Variants in AGBL2 observed in about 807,000 individuals in gnomAD.
AGBL2 encodes AGBL carboxypeptidase 2.
In AGBL2, 87 loss-of-function variants were observed where a neutral mutation model predicts 103.0. That is an observed-to-expected ratio of 0.84 (90% confidence interval 0.71 to 1.01). AGBL2 has a LOEUF of 1.01. Among genes scored for constraint, AGBL2 ranks in the 50% least tolerant of loss-of-function variants. The pLI is 0.00. For missense variants in AGBL2, 904 were observed against 1,023.5 expected (o/e 0.88, Z 1.59); for synonymous variants, 335 against 356.7 (o/e 0.94, Z 0.69).
intron 7 of AGBL2, among the ~76,000 whole-genome samples, chr11:47,703,781 C>G (rs182386096): frequency 6.6e-6 from 1 of 151,782 alleles, no homozygotes; most frequent in Admixed American, 6.6e-5. Context: ...CAAAATTAGC[C>G]GGGTGTGGTG....
chr11:47,690,310 C>A lies in AGBL2; in HGVS notation c.1397G>T (p.Ser466Ile). 1 of 1,613,744 alleles carries A rather than the reference C, an allele frequency of 6.2e-7. No homozygotes were observed. The highest frequency in any genetic ancestry group is 8.5e-7 in the Non-Finnish European group (1 of 1,179,880). Reference protein sequence around the residue: ...VLSARVHPGESNGSWVMKGFL... With the variant: ...VLSARVHPGEINGSWVMKGFL... Reference sequence around the variant, plus strand: ...GCCTTTCATAACCCAGGAGCCATTACTTTCTCCAGGGTGAACTCTGGCACT... The same window carrying A: ...GCCTTTCATAACCCAGGAGCCATTAATTTCTCCAGGGTGAACTCTGGCACT... The change falls in exon 10 of 19, where the codon AGT (serine) becomes ATT (isoleucine). Residue 466 changes from serine to isoleucine, a missense_variant. Physicochemically the swap from Ser to Ile is moderately radical, Grantham distance 142 (BLOSUM62 -2). Transcript: ENST00000525123.
At chr11:47,690,043 G>A (rs376199855) in intron 10 of AGBL2, 33 bp downstream of exon 10, 1 of 1,561,182 alleles carries the variant, frequency 6.4e-7, no homozygotes, top group Non-Finnish European at 8.7e-7. Flanking sequence ...ACTCATAGCA[G>A]TCACAGAAAG....
intron 17 of AGBL2, among the ~76,000 whole-genome samples, chr11:47,665,200 A>G (rs2097338325): frequency 6.6e-6 from 1 of 151,652 alleles, no homozygotes; most frequent in Non-Finnish European, 1.5e-5. Flanking sequence ...GGCATACACC[A>G]CCATGCCCAG....
At chr11:47,713,300 C>CACCATT (rs1164406975) in intron 3 of AGBL2, among the ~76,000 whole-genome samples, 55 of 146,806 alleles carry the variant, frequency 3.7e-4, no homozygotes, top group Non-Finnish European at 6.1e-4. Context: ...GCCGAGATTG[C>CACCATT]GCCATTGCAT....
rs1420330668 is a variant in AGBL2 at position 47,692,092 on chromosome 11, T to C, written c.848+11A>G. The C allele has an allele frequency of 5.0e-6, 8 of 1,604,146 alleles. No homozygotes were observed. The highest frequency in any genetic ancestry group is 6.8e-6 in the Non-Finnish European group (8 of 1,173,040). On this transcript the variant is annotated intron_variant, in intron 9 of 18. Transcript: ENST00000525123. ...CTCCAATTATCATCCCTTTGAGAAA[T>C]TGTTACTCACACTCTGACAGCTTTT...
At chr11:47,675,938 T>C (rs2097373274) in intron 14 of AGBL2, among the ~76,000 whole-genome samples, 1 of 151,758 alleles carries the variant, frequency 6.6e-6, no homozygotes, top group African/African-American at 2.4e-5. Context: ...CCCAGGAAGT[T>C]GAGGATGCAG....
intron 11 of AGBL2, among the ~76,000 whole-genome samples, chr11:47,684,589 A>G (rs11039336): frequency 0.59 from 89,303 of 150,842 alleles, 26,808 homozygotes; most frequent in Admixed American, 0.65. Flanking sequence ...AAAAAAAATA[A>G]GTAAAATAAA....
At chr11:47,664,004 G>T (rs2097334685) in intron 17 of AGBL2, among the ~76,000 whole-genome samples, 1 of 151,874 alleles carries the variant, frequency 6.6e-6, no homozygotes, top group African/African-American at 2.4e-5. Flanking sequence ...ACAGGCGCCT[G>T]CCACCACGCC....
At chr11:47,701,017 C>T (rs1233972669) in intron 7 of AGBL2, among the ~76,000 whole-genome samples, 1 of 151,628 alleles carries the variant, frequency 6.6e-6, no homozygotes, top group Middle Eastern at 3.2e-3. Flanking sequence ...CGCGGTGCCA[C>T]CGCACTCCAG....
At position 47,690,604 on chromosome 11, in the gene AGBL2, TC is replaced by T; in HGVS notation, c.1102del (p.Asp368MetfsTer62). On this transcript the variant is annotated frameshift_variant, in exon 10 of 19. Transcript: ENST00000525123. LOFTEE classifies it high-confidence loss of function. ...ACAGTAGAAGGGCTGCTGCCCATCA[TC>T]CGTGTTGTTCTTGTAGTACTTGATT... is the stretch of plus-strand genomic sequence containing the variant. ...NEIKYYKNNT[D>X]DGQQPFYCLT... 6.2e-7 allele frequency: 1 copy of T among 1,614,180 alleles called. No homozygotes were observed.
intron 13 of AGBL2, among the ~76,000 whole-genome samples, chr11:47,678,490 C>T (rs920741519): frequency 1.3e-5 from 2 of 149,876 alleles, no homozygotes; most frequent in African/African-American, 2.4e-5. Context: ...CTTGCCACCA[C>T]GCCTGGCTAA....
intron 14 of AGBL2, among the ~76,000 whole-genome samples, chr11:47,671,537 CA>C (rs2097357534): frequency 6.6e-6 from 1 of 151,780 alleles, no homozygotes; most frequent in Admixed American, 6.6e-5. Context: ...CAAAAACAAA[CA>C]AACAAACAAA....
chr11:47,687,212 G>T (rs1160773449), intron 10 of AGBL2, among the ~76,000 whole-genome samples: 3 of 151,452 alleles, frequency 2.0e-5, no homozygotes, highest in African/African-American at 7.3e-5. Context: ...AATTCAGAAG[G>T]GTGCCTGGTG....
At chr11:47,707,401 C>T (rs890022718) in intron 4 of AGBL2, among the ~76,000 whole-genome samples, 3 of 152,280 alleles carry the variant, frequency 2.0e-5, no homozygotes, top group Non-Finnish European at 2.9e-5. Context: ...GGGGAGGCCT[C>T]ACAATCATGG....
intron 14 of AGBL2, among the ~76,000 whole-genome samples, chr11:47,676,358 T>G (rs2097374619): frequency 6.6e-6 from 1 of 152,188 alleles, no homozygotes; most frequent in Admixed American, 6.6e-5. Context: ...CAACCACTGC[T>G]GCTACTCTGG....
chr11:47,660,847 C>A (rs550105898), intron 18 of AGBL2, among the ~76,000 whole-genome samples: 126 of 152,122 alleles, frequency 8.3e-4, no homozygotes, highest in Non-Finnish European at 1.4e-3. Context: ...TGAGCCACCA[C>A]GCCGGCCAAC....
chr11:47,679,916 A>G, intron 13 of AGBL2, 57 bp downstream of exon 13: 1 of 1,138,990 alleles, frequency 8.8e-7, no homozygotes, highest in Non-Finnish European at 1.3e-6. Flanking sequence ...TGCTAGGATT[A>G]CAGGTGTGAG....
At chr11:47,712,966 C>G (rs1043847931) in intron 3 of AGBL2, among the ~76,000 whole-genome samples, 1 of 151,814 alleles carries the variant, frequency 6.6e-6, no homozygotes, top group Non-Finnish European at 1.5e-5. Flanking sequence ...CGCTTGACCC[C>G]GCGAGGTGGA....
chr11:47,678,330 A>ATTATTTTT (rs1565026506), intron 13 of AGBL2, among the ~76,000 whole-genome samples: 3 of 114,376 alleles, frequency 2.6e-5, no homozygotes, highest in Admixed American at 9.2e-5. Flanking sequence ...ATTTTATTTT[A>ATTATTTTT]TTTTATTATT....
Sources: allele counts gnomAD v4.1 joint callset (sites outside exome capture counted in the v4.1 genomes callset), GRCh38; gene constraint gnomAD v4.1.1; transcripts MANE v1.5; gene names NCBI Gene and HGNC (gene_info 2026-07-23, HGNC 2026-07-21).